Variants in IRS1 observed in about 807,000 individuals in gnomAD.
IRS1 encodes the protein insulin receptor substrate 1.
Under a neutral mutation model 65.6 loss-of-function variants are expected in IRS1, and 34 were observed. The observed-to-expected ratio is 0.52, with a 90% CI of 0.39 to 0.69. IRS1 has a LOEUF of 0.69. IRS1 is among the 30% of genes least tolerant of loss of function. The pLI is 0.00. For synonymous variants in IRS1, 699 were observed against 683.5 expected, an observed-to-expected ratio of 1.02 and a Z score of -0.35; for missense variants, 1,641 against 1,720.2, an observed-to-expected ratio of 0.95 and a Z score of 0.81.
intron 1 of IRS1, among the ~76,000 whole-genome samples, chr2:226,754,574 G>T (rs1372394500): frequency 1.3e-5 from 2 of 152,100 alleles, no homozygotes; most frequent in Non-Finnish European, 2.9e-5. Flanking sequence ...GGGACAATTA[G>T]GATTCAAAAT....
rs545809646 is a variant in IRS1, at chr2:226,799,563, G to A, written c.-825C>T. ...CCAGGCGGCTGGGGAGGAGGGGAGG[G>A]GACAAGGGCGAGAGGGGATGGGGGA... is the stretch of plus-strand genomic sequence containing the variant. On this transcript the variant is annotated 5_prime_UTR_variant, in exon 1 of 2. Coordinates refer to ENST00000305123, the MANE Select transcript of IRS1 (RefSeq NM_005544.3). This position sits in a 1 kb window ranked among gnomAD's most constrained non-coding sequence, Gnocchi z 6.1. The A allele has an allele frequency of 1.5e-5, 16 of 1,063,684 alleles. No individual in the cohort carries two copies. The highest frequency in any genetic ancestry group is 1.4e-4 in the African/African-American group (8 of 57,768). The allele number at this position is 1,063,684 out of a possible 1,614,324, so 65.9% of individuals were successfully genotyped here. A position where few individuals can be genotyped will look rare whatever the true frequency, so the allele number is the denominator to read the frequency against.
intron 1 of IRS1, among the ~76,000 whole-genome samples, chr2:226,748,259 T>G (rs1219212830): frequency 6.6e-6 from 1 of 151,546 alleles, no homozygotes; most frequent in African/African-American, 2.4e-5. Flanking sequence ...TGAAACCCCA[T>G]ATCTACTAAA....
In IRS1 at chr2:226,796,491, A is replaced by C; in HGVS notation, c.2248T>G (p.Tyr750Asp). ...DSNTSSPSDC[Y>D]YGPEDPQHKP... ...TGCTGGGGGTCCTCAGGGCCGTAGT[A>C]GCAGTCGGAGGGGCTGCTGGTGTTG... Residue 750 changes from tyrosine to aspartate, a missense_variant, in exon 1 of 2, where the codon TAC (tyrosine) becomes GAC (aspartate). Around this residue, in one of 3 missense-constraint regions of IRS1, gnomAD observed 1,324 missense variants for 1,361.0 expected, o/e 0.97. Coordinates refer to ENST00000305123, the MANE Select transcript of IRS1 (RefSeq NM_005544.3). 1.2e-6 allele frequency: 2 copies of C among 1,613,904 alleles called. No homozygotes were observed. The highest frequency in any genetic ancestry group is 1.7e-6 in the Non-Finnish European group (2 of 1,180,026).
intron 1 of IRS1, among the ~76,000 whole-genome samples, chr2:226,772,100 T>C (rs1015503968): frequency 1.3e-5 from 2 of 152,100 alleles, no homozygotes; most frequent in Admixed American, 1.3e-4. Flanking sequence ...TGATATACTC[T>C]TACAGCCAAG....
chr2:226,783,895 G>A (rs1939436296), intron 1 of IRS1, among the ~76,000 whole-genome samples: 1 of 152,032 alleles, frequency 6.6e-6, no homozygotes, highest in African/African-American at 2.4e-5. Flanking sequence ...TCTTGCTGCT[G>A]GGAACCTGTT....
At position 226,784,535 on chromosome 2, in the gene IRS1, G is replaced by A. The variant is rs182626460; in HGVS notation, c.*21+10454C>T. Among the ~76,000 whole-genome samples the A allele has an allele frequency of 7.5e-3, 1,146 of 152,068 alleles. 54 individuals carry two copies. Among genetic ancestry groups the A allele is most frequent in the Admixed American group, 0.061 (933 of 15,276 alleles). ...CCTGTCAGGTTCAAGTGATTCTCCC[G>A]CCTGAGCCTCCCGAGTAGCTGGGAT... is the stretch of plus-strand genomic sequence containing the variant. On this transcript the variant is annotated intron_variant, in intron 1 of 1. Transcript: ENST00000305123.
At chr2:226,761,153 T>C (rs1216158985) in intron 1 of IRS1, among the ~76,000 whole-genome samples, 1 of 152,224 alleles carries the variant, frequency 6.6e-6, no homozygotes, top group Non-Finnish European at 1.5e-5. Context: ...GGGTTCTATA[T>C]TGAGCTACAC....
intron 1 of IRS1, among the ~76,000 whole-genome samples, chr2:226,751,274 A>ATTT (rs35699614): frequency 0.015 from 1,191 of 77,556 alleles, 183 homozygotes; most frequent in African/African-American, 0.056. Context: ...CCACACGGGT[A>ATTT]TTTTTTTTTT....
chr2:226,740,307 A>G (rs1938413362), intron 1 of IRS1, among the ~76,000 whole-genome samples: 1 of 152,198 alleles, frequency 6.6e-6, no homozygotes, highest in South Asian at 2.1e-4. Flanking sequence ...CTTGTAAGAT[A>G]AAACCCACCT....
chr2:226,763,063 C>T (rs1000412415), intron 1 of IRS1, among the ~76,000 whole-genome samples: 1 of 151,996 alleles, frequency 6.6e-6, no homozygotes, highest in Admixed American at 6.6e-5. Flanking sequence ...AAAGAATGTA[C>T]AGTAACTTTC....
intron 1 of IRS1, among the ~76,000 whole-genome samples, chr2:226,752,446 T>C (rs1165740938): frequency 3.3e-5 from 5 of 152,158 alleles, no homozygotes; most frequent in African/African-American, 1.2e-4. Flanking sequence ...AAATAAAGTT[T>C]TATGGCAGTC....
Position 226,734,129 on chromosome 2 carries a change from T to G in IRS1, c.*2143A>C, listed in dbSNP as rs1365507538. 6.6e-6 allele frequency: 1 copy of G among 152,212 alleles called. No individual in the cohort carries two copies. Among genetic ancestry groups the G allele is most frequent in the Non-Finnish European group, 1.5e-5 (1 of 68,028 alleles). The allele number at this position is 152,212 out of a possible 1,614,324, so 9.4% of individuals were successfully genotyped here. A position where few individuals can be genotyped will look rare whatever the true frequency, so the allele number is the denominator to read the frequency against. ...AAAGGAAAAGAGCAGGGCAGCTTGC[T>G]CTCTTCTTCCACTAGCAAGAGTATG... is the stretch of plus-strand genomic sequence containing the variant. On this transcript the variant is annotated 3_prime_UTR_variant, in exon 2 of 2. Transcript: ENST00000305123.
intron 1 of IRS1, among the ~76,000 whole-genome samples, chr2:226,771,961 T>C (rs1939174412): frequency 6.6e-6 from 1 of 152,198 alleles, no homozygotes; most frequent in Non-Finnish European, 1.5e-5. Flanking sequence ...GAACTTTGCT[T>C]TTTCTATGCC....
intron 1 of IRS1, among the ~76,000 whole-genome samples, chr2:226,746,008 T>C (rs1338760909): frequency 1.3e-5 from 2 of 152,178 alleles, no homozygotes; most frequent in Non-Finnish European, 2.9e-5. Flanking sequence ...AGGACCTGTC[T>C]ACCTACACAG....
At position 226,796,196 on chromosome 2, in the gene IRS1, G is replaced by T. The variant is rs776143235; in HGVS notation, c.2543C>A (p.Ala848Asp). ...QPHLPRKVDTAAQTNSRLARP... is the reference protein window; with the variant it reads ...QPHLPRKVDTDAQTNSRLARP... ...GGCCAGGCGGCTATTGGTCTGAGCA[G>T]CTGTGTCCACCTTTCGAGGCAGATG... is the stretch of plus-strand genomic sequence containing the variant. The change falls in exon 1 of 2, where the codon GCT becomes GAT. Residue 848 changes from alanine to aspartate, a missense_variant. This residue lies in a region of IRS1 where 1,324 missense variants were observed against 1,361.0 expected (regional missense o/e 0.97). Transcript: ENST00000305123. 6.2e-6 allele frequency: 10 copies of T among 1,613,434 alleles called. No homozygotes were observed. The East Asian group carries it at 1.8e-4, about 29-fold the overall frequency.
At chr2:226,785,816 A>C (rs1319931136) in intron 1 of IRS1, among the ~76,000 whole-genome samples, 2 of 151,314 alleles carry the variant, frequency 1.3e-5, no homozygotes, top group African/African-American at 4.9e-5. Context: ...ATATGTATAC[A>C]TGTGCCATGC....
Position 226,733,675 on chromosome 2 carries a change from G to A in IRS1, c.*2597C>T, listed in dbSNP as rs1370971057. On this transcript the variant is annotated 3_prime_UTR_variant, in exon 2 of 2. Transcript: ENST00000305123. ...GGCTGGCCTACAAATGCTTTGAAAT[G>A]GATAAAAGCCAACTCTCCTCAATGG... The A allele has an allele frequency of 6.6e-6, 1 of 152,136 alleles. No individual in the cohort carries two copies. Among genetic ancestry groups the A allele is most frequent in the Non-Finnish European group, 1.5e-5 (1 of 68,026 alleles). The allele number at this position is 152,136 out of a possible 1,614,324, so 9.4% of individuals were successfully genotyped here.
At chr2:226,752,919 A>C (rs1938712421) in intron 1 of IRS1, among the ~76,000 whole-genome samples, 1 of 152,196 alleles carries the variant, frequency 6.6e-6, no homozygotes, top group Non-Finnish European at 1.5e-5. Flanking sequence ...TGATAAAATT[A>C]CCTAACTCAC....
chr2:226,747,229 G>A (rs927441789), intron 1 of IRS1, among the ~76,000 whole-genome samples: 3 of 152,022 alleles, frequency 2.0e-5, no homozygotes, highest in Non-Finnish European at 2.9e-5. Flanking sequence ...CTAAGGAACC[G>A]CCATTAAGAA....
Sources: gnomAD v4.1 joint callset for allele counts (sites outside exome capture counted in the v4.1 genomes callset) on GRCh38, gnomAD v4.1.1 for gene constraint, gnomAD v4.1.1 regional missense constraint, Gnocchi (gnomAD v3.1) non-coding constraint, MANE v1.5 for transcripts, NCBI Gene and HGNC (gene_info 2026-07-23, HGNC 2026-07-21) for gene names.